Variants in GRIK2 observed in about 807,000 individuals in gnomAD.
GRIK2 encodes glutamate ionotropic receptor kainate type subunit 2.
GRIK2 carries 32 observed loss-of-function variants against 100.3 expected under a neutral mutation model. That is an observed-to-expected ratio of 0.32 (90% CI 0.24 to 0.43). GRIK2 has a LOEUF of 0.43. Among genes scored for constraint, GRIK2 ranks in the 20% least tolerant of loss-of-function variants. The pLI, the probability that GRIK2 is intolerant of heterozygous loss-of-function variation, is 1.00. For synonymous variants in GRIK2, 417 were observed against 389.4 expected (o/e 1.07, Z -0.83); for missense variants, 843 against 1,114.9 (o/e 0.76, Z 3.47).
At chr6:101,488,364 GT>G (rs1414499507) in intron 2 of GRIK2, among the ~76,000 whole-genome samples, 1 of 146,626 alleles carries the variant, frequency 6.8e-6, no homozygotes, top group Non-Finnish European at 1.5e-5. Context: ...ATGAGTTGTG[GT>G]TTTTTAAAAC....
At chr6:101,737,449 A>G (rs749920505) in intron 7 of GRIK2, among the ~76,000 whole-genome samples, 1 of 152,206 alleles carries the variant, frequency 6.6e-6, no homozygotes, top group Non-Finnish European at 1.5e-5. Flanking sequence ...ATCATATCTT[A>G]TGTGGATGGT....
At chr6:101,775,251 T>A (rs1224490859) in intron 7 of GRIK2, among the ~76,000 whole-genome samples, 2 of 152,122 alleles carry the variant, frequency 1.3e-5, no homozygotes, top group Non-Finnish European at 2.9e-5. Context: ...CAGAGAGCAC[T>A]GGTTTGGAGA....
At chr6:101,662,095 C>G (rs1256370063) in intron 4 of GRIK2, among the ~76,000 whole-genome samples, 2 of 152,162 alleles carry the variant, frequency 1.3e-5, no homozygotes, top group African/African-American at 4.8e-5. Context: ...TAAATCTATG[C>G]CCCTGGCTGC....
At chr6:101,422,020 C>T (rs1776437771) in intron 2 of GRIK2, among the ~76,000 whole-genome samples, 2 of 152,224 alleles carry the variant, frequency 1.3e-5, no homozygotes, top group South Asian at 2.1e-4. Flanking sequence ...AAGTGTTGCT[C>T]CTATTATTAA....
At chr6:101,445,437 C>T (rs996270804) in intron 2 of GRIK2, among the ~76,000 whole-genome samples, 51 of 152,066 alleles carry the variant, frequency 3.4e-4, no homozygotes, top group African/African-American at 1.2e-3. Context: ...TCTCATTTAT[C>T]TCCTCCCCCG....
chr6:101,665,081 C>T (rs544635889), intron 4 of GRIK2, among the ~76,000 whole-genome samples: 1 of 152,256 alleles, frequency 6.6e-6, no homozygotes, highest in East Asian at 1.9e-4. Flanking sequence ...TAACATTTCT[C>T]TGCTGGAATC....
At chr6:101,578,981 T>A in intron 2 of GRIK2, among the ~76,000 whole-genome samples, 1 of 152,202 alleles carries the variant, frequency 6.6e-6, no homozygotes, top group Non-Finnish European at 1.5e-5. Flanking sequence ...CTTCTTTAGA[T>A]GTGTTTCATT....
At chr6:101,660,137 T>C (rs1769505471) in intron 4 of GRIK2, among the ~76,000 whole-genome samples, 1 of 152,200 alleles carries the variant, frequency 6.6e-6, no homozygotes, top group African/African-American at 2.4e-5. Flanking sequence ...TTTTCTCACA[T>C]TGTTCCATAT....
intron 5 of GRIK2, among the ~76,000 whole-genome samples, chr6:101,681,723 T>A (rs1161383798): frequency 6.6e-6 from 1 of 152,104 alleles, no homozygotes; most frequent in Non-Finnish European, 1.5e-5. Flanking sequence ...CATAAATGAG[T>A]TTTTGTAGTT....
intron 7 of GRIK2, among the ~76,000 whole-genome samples, chr6:101,687,005 T>C (rs1771747623): frequency 6.6e-6 from 1 of 152,142 alleles, no homozygotes; most frequent in African/African-American, 2.4e-5. Flanking sequence ...AGTTTTCTTA[T>C]ACTGTGTCCT....
intron 4 of GRIK2, among the ~76,000 whole-genome samples, chr6:101,642,408 A>G (rs1781315552): frequency 6.6e-6 from 1 of 151,726 alleles, no homozygotes. Context: ...TTCTCTTTCC[A>G]TAGTCTCCAG....
chr6:101,532,140 A>G (rs541771372), intron 2 of GRIK2, among the ~76,000 whole-genome samples: 89 of 151,936 alleles, frequency 5.9e-4, no homozygotes, highest in Admixed American at 3.9e-3. Context: ...TCTAATTTCA[A>G]TGCTCTTCCA....
At chr6:101,643,809 T>C (rs1364365423) in intron 4 of GRIK2, among the ~76,000 whole-genome samples, 1 of 151,776 alleles carries the variant, frequency 6.6e-6, no homozygotes, top group African/African-American at 2.4e-5. Flanking sequence ...ATAGATCACT[T>C]TGAGTAATGT....
chr6:101,852,771 C>T (rs1298139873), intron 10 of GRIK2, among the ~76,000 whole-genome samples: 5 of 152,098 alleles, frequency 3.3e-5, no homozygotes, highest in African/African-American at 7.2e-5. Context: ...GCTGTTTCAC[C>T]ACAGGGCTTC....
chr6:101,761,791 C>CCCTTCCTTTCTTCCTT lies in GRIK2; in HGVS notation c.952-37848_952-37833dup, dbSNP rs1359005609. ...CATTTCCCTCCCTCCCTCCCTCCCT[C>CCCTTCCTTTCTTCCTT]CCTTCCTTTCTTCCTTCCTTCCTTC... is the stretch of plus-strand genomic sequence containing the variant. On this transcript the variant is annotated intron_variant, in intron 7 of 16. Transcript: ENST00000369134. 3.6e-5 allele frequency among the ~76,000 whole-genome samples: 5 copies of CCCTTCCTTTCTTCCTT among 139,076 alleles called. No individual in the cohort carries two copies. In the Admixed American group the frequency reaches 3.7e-4, roughly 10 times the overall value. The allele number at this position is 139,076 out of a possible 152,430, so 91.2% of individuals were successfully genotyped here. A position where few individuals can be genotyped will look rare whatever the true frequency, so the allele number is the denominator to read the frequency against.
intron 10 of GRIK2, among the ~76,000 whole-genome samples, chr6:101,856,650 G>A (rs1172839305): frequency 6.6e-6 from 1 of 152,170 alleles, no homozygotes; most frequent in Non-Finnish European, 1.5e-5. Context: ...GAAGTCAGGA[G>A]AGGATTGAGA....
At chr6:101,918,417 A>G (rs1210473671) in intron 12 of GRIK2, among the ~76,000 whole-genome samples, 1 of 151,744 alleles carries the variant, frequency 6.6e-6, no homozygotes, top group Admixed American at 6.6e-5. Context: ...TTAATGTTGA[A>G]TTAGCTTTTT....
chr6:101,751,100 T>C (rs1645473585), intron 7 of GRIK2, among the ~76,000 whole-genome samples: 1 of 152,160 alleles, frequency 6.6e-6, no homozygotes, highest in Admixed American at 6.6e-5. Flanking sequence ...TTTATGTATC[T>C]ATTTCTTCTA....
rs116392602 is a variant in GRIK2 at position 101,699,042 on chromosome 6, G to T, written c.951+12689G>T. On this transcript the variant is annotated intron_variant, in intron 7 of 16. Transcript: ENST00000369134. Reference sequence around the variant, plus strand: ...CTTGATCAGGTTGAGCAGACTGGTTGATGGAACCACAGGTTTCATTGTAAG... The same window carrying T: ...CTTGATCAGGTTGAGCAGACTGGTTTATGGAACCACAGGTTTCATTGTAAG... Among the ~76,000 whole-genome samples, 1,149 of 152,198 alleles carry T rather than the reference G, an allele frequency of 7.5e-3. 13 individuals carry two copies. The highest frequency in any genetic ancestry group is 0.025 in the African/African-American group (1,039 of 41,548).
Sources: allele counts gnomAD v4.1 joint callset (sites outside exome capture counted in the v4.1 genomes callset), GRCh38; gene constraint gnomAD v4.1.1; transcripts MANE v1.5; gene names NCBI Gene and HGNC (gene_info 2026-07-23, HGNC 2026-07-21).